The following SHROOM3 variants were observed in gnomAD, a reference collection of about 807,000 sequenced individuals.
SHROOM3 encodes shroom family member 3.
In SHROOM3, 47 loss-of-function variants were observed where a neutral mutation model predicts 138.6. The ratio of observed to expected loss-of-function variants is 0.34; its 90% CI spans 0.27 to 0.43. SHROOM3 has a LOEUF of 0.43. Ranked by LOEUF, SHROOM3 falls within the 20% of genes least tolerant of loss-of-function variation. The pLI is 1.00. For missense variants in SHROOM3, 2,491 were observed against 2,596.5 expected (o/e 0.96, Z 0.88); for synonymous variants, 1,062 against 1,063.3 (o/e 1.00, Z 0.02).
At chr4:76,724,040 G>A (rs1720627888) in intron 3 of SHROOM3, among the ~76,000 whole-genome samples, 1 of 152,202 alleles carries the variant, frequency 6.6e-6, no homozygotes, top group Admixed American at 6.5e-5. Flanking sequence ...ACTTACTGTA[G>A]ATTTCTCAGA....
At position 76,673,390 on chromosome 4, in the gene SHROOM3, TAGAA is replaced by T. The variant is rs150577307; in HGVS notation, c.324-36758_324-36755del. Among the ~76,000 whole-genome samples, 1,444 of 151,652 alleles carry T rather than the reference TAGAA, an allele frequency of 9.5e-3. 13 individuals are homozygous for T. The highest frequency in any genetic ancestry group is 0.033 in the African/African-American group (1,356 of 41,540). On this transcript the variant is annotated intron_variant, in intron 2 of 10. Transcript: ENST00000296043. ...AAAATAATCTTATTGGCCAATGGTTTAGAAAGAAAGATTTTTTTTTTCTGAAGAA... is the reference window on the plus strand; with the variant it reads ...AAAATAATCTTATTGGCCAATGGTTTAGAAAGATTTTTTTTTTCTGAAGAA...
At chr4:76,492,577 A>G (rs992884219) in intron 1 of SHROOM3, among the ~76,000 whole-genome samples, 2 of 152,230 alleles carry the variant, frequency 1.3e-5, no homozygotes, top group Admixed American at 6.5e-5. Flanking sequence ...AGTTTATGAT[A>G]AATTCTCATG....
intron 2 of SHROOM3, among the ~76,000 whole-genome samples, chr4:76,580,805 T>C (rs527596986): frequency 1.9e-4 from 29 of 152,296 alleles, no homozygotes; most frequent in African/African-American, 6.5e-4. Flanking sequence ...ACCTCCCTAG[T>C]GGAGTGGTTG....
chr4:76,485,334 C>G (rs1256242075), intron 1 of SHROOM3, among the ~76,000 whole-genome samples: 3 of 152,170 alleles, frequency 2.0e-5, no homozygotes, highest in Non-Finnish European at 4.4e-5. Context: ...CTCTCCCTGT[C>G]TCTAAATATA....
At chr4:76,610,436 T>C (rs1041013260) in intron 2 of SHROOM3, among the ~76,000 whole-genome samples, 3 of 152,234 alleles carry the variant, frequency 2.0e-5, no homozygotes, top group Non-Finnish European at 4.4e-5. Context: ...TTGAAGATTA[T>C]ATTGAAACAC....
At chr4:76,706,037 A>G (rs1720035803) in intron 2 of SHROOM3, among the ~76,000 whole-genome samples, 1 of 152,218 alleles carries the variant, frequency 6.6e-6, no homozygotes, top group Non-Finnish European at 1.5e-5. Context: ...GTTGATTAAC[A>G]TATTTTGTAT....
chr4:76,733,369 C>T (rs1560605297), intron 4 of SHROOM3, among the ~76,000 whole-genome samples: 1 of 152,194 alleles, frequency 6.6e-6, no homozygotes, highest in Non-Finnish European at 1.5e-5. Context: ...ACCACTCTGT[C>T]TCTCTGATTG....
intron 1 of SHROOM3, among the ~76,000 whole-genome samples, chr4:76,551,764 T>A (rs1190694700): frequency 6.6e-6 from 1 of 152,114 alleles, no homozygotes; most frequent in Non-Finnish European, 1.5e-5. Flanking sequence ...CAGCAGCAAG[T>A]TCAAGCAGTA....
intron 1 of SHROOM3, among the ~76,000 whole-genome samples, chr4:76,473,743 T>C (rs753249839): frequency 3.3e-5 from 5 of 152,054 alleles, no homozygotes; most frequent in South Asian, 2.1e-4. Flanking sequence ...ACCAGGGAAA[T>C]GCAAATCAAA....
chr4:76,555,796 C>T, intron 2 of SHROOM3, 33 bp downstream of exon 2: 7 of 1,599,988 alleles, frequency 4.4e-6, no homozygotes, highest in Non-Finnish European at 6.0e-6. Context: ...GTCCCTCCTA[C>T]CACCTCACCC....
Position 76,754,932 on chromosome 4 carries a change from G to A in SHROOM3, c.4449G>A (p.Gly1483=), listed in dbSNP as rs1240763426. Residue 1483 remains glycine (G), a synonymous_variant, in exon 7 of 11, where the codon GGG becomes GGA. Coordinates refer to ENST00000296043, the MANE Select transcript of SHROOM3 (RefSeq NM_020859.4). ...DTPLGAPSTP[G]RISLRISESV... ...CTCTTGGGGCCCCGAGCACTCCAGG[G>A]AGGATCTCCCTCCGAATATCTGAGT... 1.2e-6 allele frequency: 2 copies of A among 1,614,154 alleles called. No homozygotes were observed. The highest frequency in any genetic ancestry group is 2.2e-5 in the East Asian group (1 of 44,886).
intron 1 of SHROOM3, among the ~76,000 whole-genome samples, chr4:76,551,939 G>A (rs913390692): frequency 1.3e-5 from 2 of 150,854 alleles, no homozygotes; most frequent in Non-Finnish European, 3.0e-5. Context: ...TCGGCTCACT[G>A]CAAGCTCTGC....
rs999288739 is a variant in SHROOM3 at position 76,781,860 on chromosome 4, G to A, written c.*2683G>A. ...GAGAACAGTAAGGAGCATGTTGTTGGTCAGGGTTTCAGAATACGCGTGATG... is the reference window on the plus strand; with the variant it reads ...GAGAACAGTAAGGAGCATGTTGTTGATCAGGGTTTCAGAATACGCGTGATG... On this transcript the variant is annotated 3_prime_UTR_variant, in exon 11 of 11. Coordinates refer to ENST00000296043, the MANE Select transcript of SHROOM3 (RefSeq NM_020859.4). The A allele has an allele frequency of 1.3e-5, 2 of 152,178 alleles. No individual in the cohort carries two copies. Among genetic ancestry groups the A allele is most frequent in the Non-Finnish European group, 2.9e-5 (2 of 68,032 alleles). 9.4% of individuals were successfully genotyped at this position (152,178 alleles called of 1,614,324 possible). A position where few individuals can be genotyped will look rare whatever the true frequency, so the allele number is the denominator to read the frequency against.
At chr4:76,559,755 TAGAAA>T (rs1560545843) in intron 2 of SHROOM3, among the ~76,000 whole-genome samples, 1 of 152,140 alleles carries the variant, frequency 6.6e-6, no homozygotes, top group African/African-American at 2.4e-5. Flanking sequence ...CAATAAAAAG[TAGAAA>T]CACCTTCTTA....
Position 76,621,824 on chromosome 4 carries a change from A to G in SHROOM3, c.323+66061A>G, listed in dbSNP as rs1174645605. ...TTTTCTTTAGGTCTGAGACAGTTTG[A>G]ATGTTCTTTTTTTTTTTTTTTTTGA... On this transcript the variant is annotated intron_variant, in intron 2 of 10. Transcript: ENST00000296043. 3.3e-5 allele frequency among the ~76,000 whole-genome samples: 5 copies of G among 151,276 alleles called. No individual in the cohort carries two copies. The East Asian group carries it at 9.7e-4, about 29-fold the overall frequency.
intron 1 of SHROOM3, among the ~76,000 whole-genome samples, chr4:76,441,769 C>A (rs1026806980): frequency 1.3e-5 from 2 of 152,112 alleles, no homozygotes; most frequent in African/African-American, 2.4e-5. Flanking sequence ...GTTGCCCAGG[C>A]TGGAGTGCAA....
chr4:76,531,785 A>T (rs941476703), intron 1 of SHROOM3, among the ~76,000 whole-genome samples: 6 of 152,198 alleles, frequency 3.9e-5, no homozygotes, highest in African/African-American at 1.4e-4. Flanking sequence ...CACAAAGAGA[A>T]TCCTGAAAGT....
At chr4:76,646,248 A>ATATATATATG (rs1491297588) in intron 2 of SHROOM3, among the ~76,000 whole-genome samples, 2 of 141,066 alleles carry the variant, frequency 1.4e-5, no homozygotes, top group Non-Finnish European at 3.1e-5. Context: ...ATATATATAT[A>ATATATATATG]AAATTAAAAA....
At chr4:76,590,648 A>G (rs1255395147) in intron 2 of SHROOM3, among the ~76,000 whole-genome samples, 4 of 151,848 alleles carry the variant, frequency 2.6e-5, no homozygotes, top group Admixed American at 6.5e-5. Context: ...CGCATCCTAC[A>G]TTCCTGTTCT....
Sources: gnomAD v4.1 joint callset for allele counts (sites outside exome capture counted in the v4.1 genomes callset) on GRCh38, gnomAD v4.1.1 for gene constraint, MANE v1.5 for transcripts, NCBI Gene and HGNC (gene_info 2026-07-23, HGNC 2026-07-21) for gene names.